Variants in SHISA9 observed in about 807,000 individuals in gnomAD.
SHISA9 encodes the protein protein shisa-9.
In SHISA9, 13 loss-of-function variants were observed where a neutral mutation model predicts 38.0. The ratio of observed to expected loss-of-function variants is 0.34; its 90% CI spans 0.22 to 0.54. SHISA9 has a LOEUF of 0.54. Among genes scored for constraint, SHISA9 ranks in the 20% least tolerant of loss-of-function variants. The pLI, the probability that SHISA9 is intolerant of heterozygous loss-of-function variation, is 0.91. For synonymous variants in SHISA9, 275 were observed against 242.0 expected, an observed-to-expected ratio of 1.14 and a Z score of -1.27; for missense variants, 538 against 575.8, an observed-to-expected ratio of 0.93 and a Z score of 0.67.
chr16:13,001,045 AC>A (rs1295320333), intron 2 of SHISA9, among the ~76,000 whole-genome samples: 1 of 151,976 alleles, frequency 6.6e-6, no homozygotes, highest in Non-Finnish European at 1.5e-5. Context: ...CTCCTGCCTC[AC>A]CCCGCCGAGT....
chr16:13,279,946 G>T, the SHISA9 span, among the ~76,000 whole-genome samples: 1 of 151,636 alleles, frequency 6.6e-6, no homozygotes, highest in East Asian at 1.9e-4. Flanking sequence ...TCCTTATTTT[G>T]GTAAATTGTG....
At chr16:13,192,325 A>G (rs537485483) in intron 2 of SHISA9, among the ~76,000 whole-genome samples, 2 of 152,298 alleles carry the variant, frequency 1.3e-5, no homozygotes, top group Admixed American at 1.3e-4. Flanking sequence ...CCTGACCTTT[A>G]TATAATATGC....
intron 2 of SHISA9, among the ~76,000 whole-genome samples, chr16:12,921,434 C>T (rs1039575153): frequency 2.0e-5 from 3 of 152,112 alleles, no homozygotes; most frequent in African/African-American, 4.8e-5. Flanking sequence ...CTGGGATGTC[C>T]TACACTTAAC....
chr16:13,468,010 G>A, the SHISA9 span, among the ~76,000 whole-genome samples: 1 of 152,274 alleles, frequency 6.6e-6, no homozygotes, highest in African/African-American at 2.4e-5. Context: ...AACAGCAATG[G>A]ATATTACAAC....
chr16:13,497,699 AAAG>A, the SHISA9 span, among the ~76,000 whole-genome samples: 1 of 151,558 alleles, frequency 6.6e-6, no homozygotes, highest in African/African-American at 2.4e-5. Flanking sequence ...AAAAAAAAAA[AAAG>A]AAAAAAGAAA....
chr16:13,248,145 T>G, the SHISA9 span, among the ~76,000 whole-genome samples: 19 of 152,302 alleles, frequency 1.2e-4, no homozygotes, highest in African/African-American at 3.6e-4. Flanking sequence ...GTCTTATTAG[T>G]TGCCATGAGA....
At chr16:13,283,153 C>T in the SHISA9 span, among the ~76,000 whole-genome samples, 1 of 152,012 alleles carries the variant, frequency 6.6e-6, no homozygotes, top group Non-Finnish European at 1.5e-5. Context: ...TCTTAGAAGG[C>T]AATTCAACTA....
chr16:13,558,462 G>C, the SHISA9 span, among the ~76,000 whole-genome samples: 6 of 152,130 alleles, frequency 3.9e-5, no homozygotes, highest in African/African-American at 1.4e-4. Flanking sequence ...GAAATACAGG[G>C]TTGGGTTCCT....
At chr16:13,308,318 T>C in the SHISA9 span, among the ~76,000 whole-genome samples, 1 of 151,972 alleles carries the variant, frequency 6.6e-6, no homozygotes. Flanking sequence ...AAAAGCACCA[T>C]ATAAATTTCA....
the SHISA9 span, among the ~76,000 whole-genome samples, chr16:13,426,878 A>G: frequency 2.6e-5 from 4 of 152,198 alleles, no homozygotes; most frequent in African/African-American, 9.7e-5. Context: ...ACATTATCAT[A>G]CTTAATTTTC....
At chr16:13,419,176 T>G in the SHISA9 span, among the ~76,000 whole-genome samples, 25 of 152,310 alleles carry the variant, frequency 1.6e-4, no homozygotes, top group African/African-American at 6.0e-4. Flanking sequence ...AAAAATAAAA[T>G]TAATATACAT....
the SHISA9 span, among the ~76,000 whole-genome samples, chr16:13,503,434 G>A: frequency 4.2e-4 from 64 of 152,240 alleles, no homozygotes; most frequent in African/African-American, 1.5e-3. Context: ...TCTTTTGTTA[G>A]CATTACCTGG....
At chr16:12,962,361 C>G (rs1309979636) in intron 2 of SHISA9, among the ~76,000 whole-genome samples, 2 of 152,182 alleles carry the variant, frequency 1.3e-5, no homozygotes, top group African/African-American at 2.4e-5. Context: ...TCCCAGTTCC[C>G]CAGTTGCATG....
chr16:13,297,299 A>G, the SHISA9 span, among the ~76,000 whole-genome samples: 1 of 152,158 alleles, frequency 6.6e-6, no homozygotes, highest in East Asian at 1.9e-4. Flanking sequence ...TATGGGTCAC[A>G]TGGTTGAGCC....
the SHISA9 span, among the ~76,000 whole-genome samples, chr16:13,466,219 C>G: frequency 4.6e-5 from 7 of 152,278 alleles, no homozygotes; most frequent in Middle Eastern, 3.4e-3. Context: ...AAGACTGCCA[C>G]GCGGCCACTT....
intron 2 of SHISA9, among the ~76,000 whole-genome samples, chr16:12,955,321 C>G (rs2071815124): frequency 6.6e-6 from 1 of 152,032 alleles, no homozygotes; most frequent in Non-Finnish European, 1.5e-5. Context: ...AACCAATGGC[C>G]TCCTCTCTAG....
the SHISA9 span, among the ~76,000 whole-genome samples, chr16:13,394,928 GGTGTGTGTGTGTGTGTGTGT>G: frequency 1.4e-5 from 2 of 139,402 alleles, no homozygotes; most frequent in East Asian, 2.1e-4. Flanking sequence ...CAGTATCTGG[GGTGTGTGTGTGTGTGTGTGT>G]GTGTGTGTGT....
At chr16:13,552,680 G>A in the SHISA9 span, among the ~76,000 whole-genome samples, 1 of 152,110 alleles carries the variant, frequency 6.6e-6, no homozygotes, top group South Asian at 2.1e-4. Flanking sequence ...CCGGCCCAGG[G>A]GGTGGTGGAG....
rs536462044 is a variant in SHISA9, at chr16:13,095,885, G to T, written c.692-107509G>T. ...GAGCTTTTTAAAGCACAGATTGTTGGCCAGTTTGCCTAGAATTTCCAAGTC... is the reference window on the plus strand; with the variant it reads ...GAGCTTTTTAAAGCACAGATTGTTGTCCAGTTTGCCTAGAATTTCCAAGTC... On this transcript the variant is annotated intron_variant, in intron 2 of 4. Transcript: ENST00000558583. Among the ~76,000 whole-genome samples the T allele has an allele frequency of 1.2e-4, 19 of 152,328 alleles. No individual in the cohort carries two copies. In the South Asian group the frequency reaches 3.5e-3, roughly 28 times the overall value.
Sources: allele counts gnomAD v4.1 joint callset (sites outside exome capture counted in the v4.1 genomes callset), GRCh38; gene constraint gnomAD v4.1.1; transcripts MANE v1.5; gene names NCBI Gene and HGNC (gene_info 2026-07-23, HGNC 2026-07-21).